SPACA7: variants seen among roughly 807,000 people sequenced by gnomAD.
SPACA7 encodes sperm acrosome-associated protein 7.
SPACA7 carries 19 observed loss-of-function variants against 26.3 expected under a neutral mutation model. The ratio of observed to expected loss-of-function variants is 0.72; its 90% CI spans 0.50 to 1.06. SPACA7 has a LOEUF of 1.06. Among genes scored for constraint, SPACA7 ranks in the 50% least tolerant of loss-of-function variants. The pLI is 0.00. For missense variants in SPACA7, 211 were observed against 229.9 expected (o/e 0.92, Z 0.53); for synonymous variants, 84 against 84.5 (o/e 0.99, Z 0.04).
intron 5 of SPACA7, among the ~76,000 whole-genome samples, chr13:112,429,787 C>T (rs2139078639): frequency 6.6e-6 from 1 of 152,248 alleles, no homozygotes; most frequent in East Asian, 1.9e-4. Flanking sequence ...GTGAATCTTA[C>T]TTCATTATGT....
rs539011540 is a variant in SPACA7, at chr13:112,378,976, G to T, written c.94+2497G>T. 1.4e-3 allele frequency among the ~76,000 whole-genome samples: 208 copies of T among 152,260 alleles called. 1 individual carries two copies. Among genetic ancestry groups the T allele is most frequent in the African/African-American group, 4.8e-3 (201 of 41,556 alleles). The stretch of plus-strand genomic sequence containing the variant: ...ATCAGGTGGGACAAAAAATATAAAT[G>T]CTTCATTTTTGTTTATGAAAGTGTA... On this transcript the variant is annotated intron_variant, in intron 1 of 6. Transcript: ENST00000283550.
intron 5 of SPACA7, among the ~76,000 whole-genome samples, chr13:112,417,622 G>C (rs1414442879): frequency 6.6e-6 from 1 of 151,970 alleles, no homozygotes; most frequent in South Asian, 2.1e-4. Context: ...TATATATTTT[G>C]AAGACTGACA....
chr13:112,383,284 A>T (rs1218759842), intron 1 of SPACA7, among the ~76,000 whole-genome samples: 1 of 152,150 alleles, frequency 6.6e-6, no homozygotes, highest in African/African-American at 2.4e-5. Context: ...TAAAGAATTT[A>T]TAATTTAGTC....
chr13:112,382,542 G>A (rs1210328129), intron 1 of SPACA7: 1 of 1,546,232 alleles, frequency 6.5e-7, no homozygotes, highest in Non-Finnish European at 8.7e-7. Flanking sequence ...AACTATCTGG[G>A]CGACACATGC....
intron 1 of SPACA7, among the ~76,000 whole-genome samples, chr13:112,383,082 AAAAGAAAG>A (rs1187005643): frequency 2.9e-5 from 3 of 102,398 alleles, no homozygotes; most frequent in Admixed American, 1.2e-4. Flanking sequence ...GAAAGAAAGA[AAAAGAAAG>A]AAAGAAAGAA....
At chr13:112,382,017 G>C (rs1884104099) in intron 1 of SPACA7, among the ~76,000 whole-genome samples, 1 of 152,194 alleles carries the variant, frequency 6.6e-6, no homozygotes. Flanking sequence ...CTAGACCCCA[G>C]GCAAGAAGGA....
At chr13:112,391,197 C>T (rs368735207) in intron 1 of SPACA7, among the ~76,000 whole-genome samples, 1 of 152,198 alleles carries the variant, frequency 6.6e-6, no homozygotes, top group Non-Finnish European at 1.5e-5. Context: ...CTGATTTCCT[C>T]ATCCAAACAG....
intron 3 of SPACA7, among the ~76,000 whole-genome samples, chr13:112,398,682 G>A (rs1004512760): frequency 1.3e-5 from 2 of 152,198 alleles, no homozygotes; most frequent in African/African-American, 4.8e-5. Flanking sequence ...AAATAGAACA[G>A]CACATTTAGA....
At chr13:112,419,022 A>G (rs1886859758) in intron 5 of SPACA7, among the ~76,000 whole-genome samples, 1 of 123,190 alleles carries the variant, frequency 8.1e-6, no homozygotes, top group Admixed American at 7.8e-5. Context: ...GACTCCATTT[A>G]AAAAAAAAAA....
intron 5 of SPACA7, among the ~76,000 whole-genome samples, chr13:112,428,918 G>A (rs1170634324): frequency 1.3e-5 from 2 of 152,138 alleles, no homozygotes; most frequent in Non-Finnish European, 2.9e-5. Flanking sequence ...CAATCTACTT[G>A]TTCAGTTGAT....
intron 6 of SPACA7, among the ~76,000 whole-genome samples, chr13:112,433,053 G>A (rs201076797): frequency 3.4e-4 from 51 of 149,538 alleles, no homozygotes; most frequent in East Asian, 2.8e-3. Context: ...GCTTCTCCTA[G>A]GAGCTTTCCA....
chr13:112,405,246 C>T (rs1346577422), intron 5 of SPACA7, among the ~76,000 whole-genome samples: 1 of 151,874 alleles, frequency 6.6e-6, no homozygotes, highest in East Asian at 1.9e-4. Context: ...ACTAATATTA[C>T]CTTCTTTATT....
At chr13:112,388,736 A>G (rs1250760281) in intron 1 of SPACA7, among the ~76,000 whole-genome samples, 1 of 152,268 alleles carries the variant, frequency 6.6e-6, no homozygotes, top group Non-Finnish European at 1.5e-5. Flanking sequence ...CCAGCTGTGC[A>G]GGAGACCAGA....
At chr13:112,398,998 C>A in intron 3 of SPACA7, 68 bp from the exon 4 acceptor site, 1 of 926,620 alleles carries the variant, frequency 1.1e-6, no homozygotes, top group Non-Finnish European at 1.7e-6. Flanking sequence ...AAAGCATGGG[C>A]CAAAAATGTT....
intron 5 of SPACA7, among the ~76,000 whole-genome samples, chr13:112,414,684 T>C (rs1275247999): frequency 6.6e-6 from 1 of 152,180 alleles, no homozygotes; most frequent in African/African-American, 2.4e-5. Flanking sequence ...AGTGCTGGGA[T>C]TACAGGTGTG....
In SPACA7 at chr13:112,432,422, G is replaced by T. The variant is rs562577607; in HGVS notation, c.446-22G>T. On this transcript the variant is annotated intron_variant, in intron 5 of 6. Coordinates refer to ENST00000283550, the MANE Select transcript of SPACA7 (RefSeq NM_145248.5). ...TAATTATTTACAAAGAGTGATCATTGTACTTATTGTTTTCCCCACAGAAAA... is the reference window on the plus strand; with the variant it reads ...TAATTATTTACAAAGAGTGATCATTTTACTTATTGTTTTCCCCACAGAAAA... 1.9e-5 allele frequency: 30 copies of T among 1,553,376 alleles called. No individual in the cohort carries two copies. In the East Asian group the frequency reaches 4.9e-4, roughly 26 times the overall value.
chr13:112,403,269 T>A (rs1885761534), intron 5 of SPACA7, among the ~76,000 whole-genome samples: 1 of 152,194 alleles, frequency 6.6e-6, no homozygotes, highest in African/African-American at 2.4e-5. Flanking sequence ...TGAATAGAGA[T>A]CTTTAAATCA....
At chr13:112,410,497 A>G (rs1886280420) in intron 5 of SPACA7, among the ~76,000 whole-genome samples, 2 of 152,082 alleles carry the variant, frequency 1.3e-5, no homozygotes. Flanking sequence ...ACTTGGCCTT[A>G]AAAAGAAATA....
chr13:112,420,269 C>G (rs1191698496), intron 5 of SPACA7, among the ~76,000 whole-genome samples: 1 of 151,644 alleles, frequency 6.6e-6, no homozygotes, highest in Non-Finnish European at 1.5e-5. Context: ...ACAGAGATGT[C>G]CCAGATGTTG....
Sources: allele counts gnomAD v4.1 joint callset (sites outside exome capture counted in the v4.1 genomes callset), GRCh38; gene constraint gnomAD v4.1.1; transcripts MANE v1.5; gene names NCBI Gene and HGNC (gene_info 2026-07-23, HGNC 2026-07-21).